The following ZNF646 variants were observed in gnomAD, a reference collection of about 807,000 sequenced individuals.
The protein encoded by ZNF646 is zinc finger protein 646.
Under a neutral mutation model 115.4 loss-of-function variants are expected in ZNF646, and 49 were observed. The ratio of observed to expected loss-of-function variants is 0.42; its 90% CI spans 0.34 to 0.54. ZNF646 has a LOEUF of 0.54. Ranked by LOEUF, ZNF646 falls within the 20% of genes least tolerant of loss-of-function variation. The pLI is 0.04. For synonymous variants in ZNF646, 933 were observed against 939.0 expected, an observed-to-expected ratio of 0.99 and a Z score of 0.12; for missense variants, 2,269 against 2,457.9, an observed-to-expected ratio of 0.92 and a Z score of 1.62.
At chr16:31,081,936 C>A in intron 2 of ZNF646, 2 of 621,624 alleles carry the variant, frequency 3.2e-6, no homozygotes, top group South Asian at 5.5e-5. Context: ...GGGGCGTGGT[C>A]AGGCCGAGGC....
chr16:31,079,957 C>T lies in ZNF646; in HGVS notation c.3633C>T (p.Ser1211=). 6.2e-7 allele frequency: 1 copy of T among 1,610,678 alleles called. No individual in the cohort carries two copies. The highest frequency in any genetic ancestry group is 1.1e-5 in the South Asian group (1 of 90,990). The part of the protein sequence containing the change: ...RPFSCEVCGR[S]YKHAGSLINH... ...TCAGCTGCGAGGTGTGTGGCCGATC[C>T]TACAAGCACGCCGGCAGCCTCATCA... Residue 1211 remains serine (S), a synonymous_variant, in exon 2 of 3, where the codon TCC becomes TCT. Coordinates refer to ENST00000300850, the MANE Select transcript of ZNF646 (RefSeq NM_014699.4). The surrounding 1 kb of genome is among the most constrained non-coding windows in gnomAD (Gnocchi z 5.5).
chr16:31,074,209 C>A (rs2057045587), upstream of ZNF646: 1 of 152,260 alleles, frequency 6.6e-6, no homozygotes, highest in Non-Finnish European at 1.5e-5. Flanking sequence ...TGCACCGGAA[C>A]GATTCTAGCT....
chr16:31,083,777 G>C lies in ZNF646; in HGVS notation c.*685G>C. ...CCTGCATTCTCTTGTCCTGAGAATG[G>C]CCAGGTCCCCTGTCAGCAGCTGGTT... On this transcript the variant is annotated 3_prime_UTR_variant, in exon 3 of 3. Coordinates refer to ENST00000300850, the MANE Select transcript of ZNF646 (RefSeq NM_014699.4). The C allele has an allele frequency of 6.2e-7, 1 of 1,614,130 alleles. No individual in the cohort carries two copies. Among genetic ancestry groups the C allele is most frequent in the Non-Finnish European group, 8.5e-7 (1 of 1,179,992 alleles).
Position 31,079,037 on chromosome 16 carries a change from A to G in ZNF646, c.2713A>G (p.Ser905Gly). 6.3e-7 allele frequency: 1 copy of G among 1,584,274 alleles called. No individual in the cohort carries two copies. Among genetic ancestry groups the G allele is most frequent in the South Asian group, 1.1e-5 (1 of 87,516 alleles). ...GYRLHRRQAHSSSGMTEGSEE... is the reference protein window; with the variant it reads ...GYRLHRRQAHGSSGMTEGSEE... ...CAGGCTTCACCGGCGCCAGGCCCAC[A>G]GCTCCTCTGGCATGACTGAGGGCTC... Residue 905 changes from serine to glycine, a missense_variant, in exon 2 of 3, where the codon AGC (serine) becomes GGC (glycine). Ser to Gly is a moderately conservative substitution (Grantham distance 56). Transcript: ENST00000300850. The surrounding 1 kb of genome is among the most constrained non-coding windows in gnomAD (Gnocchi z 5.5).
rs2057100840 is a variant in ZNF646 at position 31,078,030 on chromosome 16, C to G, written c.1706C>G (p.Ala569Gly). 1 of 1,614,050 alleles carries G rather than the reference C, an allele frequency of 6.2e-7. No individual in the cohort carries two copies. Among genetic ancestry groups the G allele is most frequent in the African/African-American group, 1.3e-5 (1 of 74,938 alleles). Residue 569 changes from alanine (A) to glycine (G), a missense_variant, in exon 2 of 3, where the codon GCA becomes GGA. This residue lies in a region of ZNF646 where 852 missense variants were observed against 900.2 expected (regional missense o/e 0.95). Coordinates refer to ENST00000300850, the MANE Select transcript of ZNF646 (RefSeq NM_014699.4). Reference protein sequence around the residue: ...EEEATDITPAADKTAAHICSI... With the variant: ...EEEATDITPAGDKTAAHICSI... ...GAGGCCACGGACATCACCCCAGCAG[C>G]AGACAAGACAGCAGCACATATCTGT...
chr16:31,076,646 C>T lies in ZNF646; in HGVS notation c.322C>T (p.Pro108Ser), dbSNP rs766707642. ...APEGRRRHRP[P>S]RPKEATPHLQ... ...TGAGGGCCGCCGCAGGCACAGGCCCCCACGCCCCAAGGAAGCCACTCCACA... is the reference window on the plus strand; with the variant it reads ...TGAGGGCCGCCGCAGGCACAGGCCCTCACGCCCCAAGGAAGCCACTCCACA... Residue 108 changes from proline to serine, a missense_variant, in exon 2 of 3, where the codon CCA (proline) becomes TCA (serine). By Grantham distance (74) the Pro-to-Ser change is moderately conservative. Around this residue, in one of 5 missense-constraint regions of ZNF646, gnomAD observed 334 missense variants for 323.5 expected, o/e 1.03. Transcript: ENST00000300850. 3 of 1,613,010 alleles carry T rather than the reference C, an allele frequency of 1.9e-6. No individual in the cohort carries two copies. Among genetic ancestry groups the T allele is most frequent in the South Asian group, 2.2e-5 (2 of 91,074 alleles).
chr16:31,077,205 ACCACTGTCC>A lies in ZNF646; in HGVS notation c.888_896del (p.His298_Pro300del), dbSNP rs779876976. 6.2e-7 allele frequency: 1 copy of A among 1,614,140 alleles called. No homozygotes were observed. The highest frequency in any genetic ancestry group is 1.7e-5 in the Admixed American group (1 of 60,022). On this transcript the variant is annotated inframe_deletion, in exon 2 of 3. Transcript: ENST00000300850. ...CGACTGCATGCCCAGTATCGGCCTTACCACTGTCCCCACTGCCCCCGTGTCTTCCGGCTC... is the reference window on the plus strand; with the variant it reads ...CGACTGCATGCCCAGTATCGGCCTTACCACTGCCCCCGTGTCTTCCGGCTC...
Position 31,080,516 on chromosome 16 carries a change from G to C in ZNF646, c.4192G>C (p.Gly1398Arg). 6.2e-7 allele frequency: 1 copy of C among 1,614,060 alleles called. No individual in the cohort carries two copies. Among genetic ancestry groups the C allele is most frequent in the Non-Finnish European group, 8.5e-7 (1 of 1,180,038 alleles). ...ETEREPANGQ[G>R]GLDGTAASEA... The stretch of plus-strand genomic sequence containing the variant: ...AGAAAGGGAGCCAGCCAATGGCCAG[G>C]GAGGCCTGGATGGCACAGCGGCCAG... The change falls in exon 2 of 3, where the codon GGA becomes CGA. Residue 1398 changes from glycine (G) to arginine (R), a missense_variant. Transcript: ENST00000300850.
In ZNF646 at chr16:31,079,294, C is replaced by T. The variant is rs1204302603; in HGVS notation, c.2970C>T (p.Pro990=). ...QSSGTTADKA[P]SPLGVAGDAM... is the part of the protein sequence containing the mutation. ...CTGGGACTACTGCAGACAAGGCTCC[C>T]AGCCCCTTGGGAGTGGCAGGTGATG... Residue 990 remains proline (P), a synonymous_variant, in exon 2 of 3, where the codon CCC becomes CCT. Coordinates refer to ENST00000300850, the MANE Select transcript of ZNF646 (RefSeq NM_014699.4). This position sits in a 1 kb window ranked among gnomAD's most constrained non-coding sequence, Gnocchi z 5.5. 1.9e-6 allele frequency: 3 copies of T among 1,613,446 alleles called. No individual in the cohort carries two copies. The highest frequency in any genetic ancestry group is 4.5e-5 in the East Asian group (2 of 44,878).
intron 1 of ZNF646, 160 bp downstream of exon 1, chr16:31,074,791 G>A (rs1252895213): frequency 4.6e-5 from 7 of 152,240 alleles, no homozygotes; most frequent in Non-Finnish European, 1.0e-4. Context: ...GGTTGACTAG[G>A]GGAGGGGACT....
rs750220206 is a variant in ZNF646, at chr16:31,081,155, C to T, written c.4831C>T (p.His1611Tyr). Reference protein sequence around the residue: ...ASHLQAHARGHSQVPAQMEEA... With the variant: ...ASHLQAHARGYSQVPAQMEEA... ...CCACCTGCAGGCTCATGCCCGGGGC[C>T]ACAGCCAGGTGCCAGCCCAGATGGA... Residue 1611 changes from histidine to tyrosine, a missense_variant, in exon 2 of 3, where the codon CAC becomes TAC. Coordinates refer to ENST00000300850, the MANE Select transcript of ZNF646 (RefSeq NM_014699.4). 1 of 1,600,484 alleles carries T rather than the reference C, an allele frequency of 6.2e-7. No individual in the cohort carries two copies. The highest frequency in any genetic ancestry group is 8.5e-7 in the Non-Finnish European group (1 of 1,171,740).
In ZNF646 at chr16:31,083,314, C is replaced by T; in HGVS notation, c.*222C>T. On this transcript the variant is annotated 3_prime_UTR_variant, in exon 3 of 3. Coordinates refer to ENST00000300850, the MANE Select transcript of ZNF646 (RefSeq NM_014699.4). ...CCCCCAGCCTCATCACCGTGCTCTT[C>T]TCAGCGCCACCCTCAGCAGCCAGAT... 2 of 971,068 alleles carry T rather than the reference C, an allele frequency of 2.1e-6. No homozygotes were observed. Among genetic ancestry groups the T allele is most frequent in the Non-Finnish European group, 2.9e-6 (2 of 688,160 alleles). The allele number at this position is 971,068 out of a possible 1,614,324, so 60.2% of individuals were successfully genotyped here.
rs137989174 is a variant in ZNF646, at chr16:31,080,287, C to T, written c.3963C>T (p.His1321=). 1.0e-4 allele frequency: 166 copies of T among 1,612,948 alleles called. 1 individual carries two copies. In the African/African-American group the frequency reaches 1.7e-3, roughly 17 times the overall value. The change falls in exon 2 of 3, where the codon CAC becomes CAT. Residue 1321 remains histidine, a synonymous_variant. Transcript: ENST00000300850. ...AGSLLNHRRS[H]ETGQYSCPTC... ...GCCTCCTGAACCACCGGCGCAGCCACGAGACGGGCCAGTACAGCTGCCCCA... is the reference window on the plus strand; with the variant it reads ...GCCTCCTGAACCACCGGCGCAGCCATGAGACGGGCCAGTACAGCTGCCCCA...
chr16:31,083,697 C>A lies in ZNF646; in HGVS notation c.*605C>A. ...TGGGCTTCTGGGCCTGCCCTGGTGC[C>A]TGGAATCACACATGACAGGGTGGGG... On this transcript the variant is annotated 3_prime_UTR_variant, in exon 3 of 3. Coordinates refer to ENST00000300850, the MANE Select transcript of ZNF646 (RefSeq NM_014699.4). 2 of 1,607,450 alleles carry A rather than the reference C, an allele frequency of 1.2e-6. No individual in the cohort carries two copies. Among genetic ancestry groups the A allele is most frequent in the South Asian group, 2.2e-5 (2 of 89,902 alleles).
chr16:31,078,687 T>C lies in ZNF646; in HGVS notation c.2363T>C (p.Leu788Pro), dbSNP rs916233936. Residue 788 changes from leucine to proline, a missense_variant, in exon 2 of 3, where the codon CTC becomes CCC. Physicochemically the swap from Leu to Pro is moderately conservative, Grantham distance 98 (BLOSUM62 -3). This residue lies in a region of ZNF646 where 852 missense variants were observed against 900.2 expected (regional missense o/e 0.95). Transcript: ENST00000300850. ...EGGGTHFCDS[L>P]TGVDEDQKPA... ...GGTGGCACTCACTTCTGCGATAGCCTCACTGGGGTGGATGAAGACCAGAAG... is the reference window on the plus strand; with the variant it reads ...GGTGGCACTCACTTCTGCGATAGCCCCACTGGGGTGGATGAAGACCAGAAG... The C allele has an allele frequency of 9.9e-6, 16 of 1,614,088 alleles. No individual in the cohort carries two copies. Among genetic ancestry groups the C allele is most frequent in the Non-Finnish European group, 1.3e-5 (15 of 1,180,020 alleles).
chr16:31,077,119 C>T lies in ZNF646; in HGVS notation c.795C>T (p.Ile265=). ...ACCGCCAGAGCCACACGCTGGGCAT[C>T]TACCCCTGTGCCATCTGTTTCAAGG... ...TNHRQSHTLG[I]YPCAICFKEF... Residue 265 remains isoleucine (I), a synonymous_variant, in exon 2 of 3, where the codon ATC becomes ATT. Coordinates refer to ENST00000300850, the MANE Select transcript of ZNF646 (RefSeq NM_014699.4). 6.2e-7 allele frequency: 1 copy of T among 1,614,202 alleles called. No homozygotes were observed. The highest frequency in any genetic ancestry group is 8.5e-7 in the Non-Finnish European group (1 of 1,180,036).
Position 31,080,373 on chromosome 16 carries a change from A to G in ZNF646, c.4049A>G (p.Glu1350Gly). The G allele has an allele frequency of 6.2e-7, 1 of 1,613,372 alleles. No homozygotes were observed. The highest frequency in any genetic ancestry group is 1.7e-5 in the Admixed American group (1 of 60,014). The change falls in exon 2 of 3, where the codon GAG (glutamate) becomes GGG (glycine). Residue 1350 changes from glutamate to glycine, a missense_variant. Glu to Gly is a moderately conservative substitution (Grantham distance 98). Coordinates refer to ENST00000300850, the MANE Select transcript of ZNF646 (RefSeq NM_014699.4). ...ALKDHQRLHS[E>G]NRRRRAGRSR... is the part of the protein sequence containing the mutation. ...AAGGACCACCAGAGGCTGCACTCAG[A>G]GAATCGGCGGCGACGGGCTGGACGG...
At position 31,081,597 on chromosome 16, in the gene ZNF646, A is replaced by G. The variant is rs764376942; in HGVS notation, c.5273A>G (p.Glu1758Gly). Reference protein sequence around the residue: ...EGHGRVHAPREGPFTCPHCPR... With the variant: ...EGHGRVHAPRGGPFTCPHCPR... ...CACGGGCGGGTCCATGCACCCCGGGAGGGGCCTTTCACCTGCCCCCATTGT... is the reference window on the plus strand; with the variant it reads ...CACGGGCGGGTCCATGCACCCCGGGGGGGGCCTTTCACCTGCCCCCATTGT... Residue 1758 changes from glutamate (E) to glycine (G), a missense_variant, in exon 2 of 3, where the codon GAG (glutamate) becomes GGG (glycine). Coordinates refer to ENST00000300850, the MANE Select transcript of ZNF646 (RefSeq NM_014699.4). 1.2e-6 allele frequency: 2 copies of G among 1,609,778 alleles called. No individual in the cohort carries two copies. Among genetic ancestry groups the G allele is most frequent in the Non-Finnish European group, 1.7e-6 (2 of 1,178,686 alleles).
At position 31,080,178 on chromosome 16, in the gene ZNF646, G is replaced by C; in HGVS notation, c.3854G>C (p.Gly1285Ala). 6.2e-7 allele frequency: 1 copy of C among 1,610,478 alleles called. No individual in the cohort carries two copies. The highest frequency in any genetic ancestry group is 8.5e-7 in the Non-Finnish European group (1 of 1,178,208). ...CAGCGGGTCCACATGGAACGGCGTG[G>C]GGGTGGGGGCACCCGAAAGGCGACT... ...SHQRVHMERR[G>A]GGGTRKATRE... Residue 1285 changes from glycine (G) to alanine (A), a missense_variant, in exon 2 of 3, where the codon GGG becomes GCG. By Grantham distance (60) the Gly-to-Ala change is moderately conservative (BLOSUM62 0). This residue lies in a region of ZNF646 where 1,062 missense variants were observed against 1,172.8 expected (regional missense o/e 0.91). Coordinates refer to ENST00000300850, the MANE Select transcript of ZNF646 (RefSeq NM_014699.4).
Sources: gnomAD v4.1 joint callset for allele counts on GRCh38, gnomAD v4.1.1 for gene constraint, gnomAD v4.1.1 regional missense constraint, Gnocchi (gnomAD v3.1) non-coding constraint, MANE v1.5 for transcripts, NCBI Gene and HGNC (gene_info 2026-07-23, HGNC 2026-07-21) for gene names.